Variants in CRY1 observed in about 807,000 individuals in gnomAD.
CRY1 encodes the protein cryptochrome-1.
Under a neutral mutation model 76.0 loss-of-function variants are expected in CRY1, and 45 were observed. That is an observed-to-expected ratio of 0.59 (90% CI 0.47 to 0.76). CRY1 has a LOEUF of 0.76. CRY1 is among the 30% of genes least tolerant of loss of function. The pLI is 0.00. For missense variants in CRY1, 587 were observed against 716.4 expected, an observed-to-expected ratio of 0.82 and a Z score of 2.06; for synonymous variants, 248 against 244.0, an observed-to-expected ratio of 1.02 and a Z score of -0.15.
At chr12:107,012,644 GGCTATA>G (rs1325548709) in intron 2 of CRY1, among the ~76,000 whole-genome samples, 1 of 152,196 alleles carries the variant, frequency 6.6e-6, no homozygotes, top group South Asian at 2.1e-4. Context: ...CATTTTGTAA[GGCTATA>G]GCTGCCACAG....
chr12:107,077,787 AT>A (rs1409026849), intron 1 of CRY1, among the ~76,000 whole-genome samples: 1 of 151,878 alleles, frequency 6.6e-6, no homozygotes, highest in Non-Finnish European at 1.5e-5. Context: ...CTCATAAAAA[AT>A]CCCCCTCACA....
At chr12:106,998,973 C>T (rs758393278) in intron 7 of CRY1, among the ~76,000 whole-genome samples, 16 of 146,420 alleles carry the variant, frequency 1.1e-4, no homozygotes, top group African/African-American at 2.0e-4. Flanking sequence ...ACCTGGAAGG[C>T]GTAGGTTGCA....
chr12:107,014,218 G>A (rs1297308358), intron 2 of CRY1, among the ~76,000 whole-genome samples: 1 of 152,168 alleles, frequency 6.6e-6, no homozygotes, highest in African/African-American at 2.4e-5. Flanking sequence ...GAAACTTCCT[G>A]GTAGGTATGG....
At chr12:107,055,072 T>A (rs1000333536) in intron 1 of CRY1, among the ~76,000 whole-genome samples, 1 of 151,948 alleles carries the variant, frequency 6.6e-6, no homozygotes, top group African/African-American at 2.4e-5. Flanking sequence ...GAATATCCCG[T>A]CTAATAACAA....
chr12:107,058,213 T>C (rs1325118214), intron 1 of CRY1, among the ~76,000 whole-genome samples: 2 of 152,078 alleles, frequency 1.3e-5, no homozygotes, highest in Non-Finnish European at 2.9e-5. Flanking sequence ...AATAATATAA[T>C]ATTAATAAAT....
At chr12:107,039,406 A>G (rs1460971570) in intron 1 of CRY1, among the ~76,000 whole-genome samples, 1 of 152,230 alleles carries the variant, frequency 6.6e-6, no homozygotes, top group African/African-American at 2.4e-5. Flanking sequence ...AATGGAAGAA[A>G]ATATTTGCAA....
At chr12:107,005,311 GAA>G (rs1952360841) in intron 2 of CRY1, 63 bp from the exon 3 acceptor site, 1 of 1,491,692 alleles carries the variant, frequency 6.7e-7, no homozygotes, top group African/African-American at 1.4e-5. Flanking sequence ...CTATTATAAC[GAA>G]AAGTGAAAAA....
intron 1 of CRY1, among the ~76,000 whole-genome samples, chr12:107,078,276 C>T (rs1209736602): frequency 6.6e-6 from 1 of 152,036 alleles, no homozygotes. Flanking sequence ...CTGGAGGGTC[C>T]TCTAAACAAC....
chr12:107,011,232 C>T (rs1396148797), intron 2 of CRY1, among the ~76,000 whole-genome samples: 1 of 152,132 alleles, frequency 6.6e-6, no homozygotes, highest in African/African-American at 2.4e-5. Context: ...TGCCTGTAAT[C>T]CCAGCTACTC....
chr12:107,005,125 T>C lies in CRY1; in HGVS notation c.391A>G (p.Thr131Ala). 5.6e-6 allele frequency: 9 copies of C among 1,613,020 alleles called. No homozygotes were observed. The highest frequency in any genetic ancestry group is 7.6e-6 in the Non-Finnish European group (9 of 1,179,748). Residue 131 changes from threonine to alanine, a missense_variant, in exon 3 of 13, where the codon ACA becomes GCA. By Grantham distance (58) the Thr-to-Ala change is moderately conservative (BLOSUM62 0). Transcript: ENST00000008527. ...GVEVIVRISH[T>A]LYDLDKIIEL... ...ACTCACTTGTCTAGGTCATATAATGTATGTGAAATTCTTACAATGACTTCT... is the reference window on the plus strand; with the variant it reads ...ACTCACTTGTCTAGGTCATATAATGCATGTGAAATTCTTACAATGACTTCT...
chr12:107,011,623 G>A (rs991760183), intron 2 of CRY1, among the ~76,000 whole-genome samples: 2 of 152,186 alleles, frequency 1.3e-5, no homozygotes, highest in African/African-American at 4.8e-5. Flanking sequence ...AACACTCTTC[G>A]ATTCTGTGAA....
In CRY1 at chr12:107,092,954, A is replaced by T. The variant is rs755426599; in HGVS notation, c.8T>A (p.Val3Glu). MG[V>E]NAVHWFRKGL... ...CTTTCGGAACCAGTGCACGGCGTTC[A>T]CCCCCATGCCGGGGGGCGCGGCGGG... Residue 3 changes from valine (V) to glutamate (E), a missense_variant, in exon 1 of 13, where the codon GTG (valine) becomes GAG (glutamate). Transcript: ENST00000008527. The T allele has an allele frequency of 1.3e-6, 2 of 1,553,034 alleles. No homozygotes were observed. Among genetic ancestry groups the T allele is most frequent in the African/African-American group, 1.4e-5 (1 of 72,628 alleles).
At chr12:107,088,716 A>G (rs1953433610) in intron 1 of CRY1, among the ~76,000 whole-genome samples, 1 of 152,260 alleles carries the variant, frequency 6.6e-6, no homozygotes, top group Non-Finnish European at 1.5e-5. Context: ...CAATACTAAC[A>G]TTCACAAATG....
intron 1 of CRY1, among the ~76,000 whole-genome samples, chr12:107,066,518 C>T (rs191697866): frequency 3.9e-5 from 6 of 151,994 alleles, no homozygotes; most frequent in African/African-American, 7.2e-5. Context: ...TGCAGTGGCA[C>T]GATCTCGGCT....
intron 1 of CRY1, among the ~76,000 whole-genome samples, chr12:107,091,763 C>T (rs887553580): frequency 6.6e-6 from 1 of 152,138 alleles, no homozygotes; most frequent in African/African-American, 2.4e-5. Context: ...CTGTTCCTTC[C>T]AAAGGTCAAG....
At chr12:107,061,279 C>CT (rs1361782643) in intron 1 of CRY1, among the ~76,000 whole-genome samples, 1 of 152,042 alleles carries the variant, frequency 6.6e-6, no homozygotes, top group Non-Finnish European at 1.5e-5. Context: ...TGGCTCACTA[C>CT]TATAAGCACT....
rs566794487 is a variant in CRY1, at chr12:106,997,986, A to C, written c.1218T>G (p.Phe406Leu). The change falls in exon 8 of 13, where the codon TTT (phenylalanine) becomes TTG (leucine). Residue 406 changes from phenylalanine (F) to leucine (L), a missense_variant. Physicochemically the swap from Phe to Leu is conservative, Grantham distance 22. Coordinates refer to ENST00000008527, the MANE Select transcript of CRY1 (RefSeq NM_004075.5). ...SWMWLSCSSF[F>L]QQFFHCYCPV... is the part of the protein sequence containing the mutation. The stretch of plus-strand genomic sequence containing the variant: ...GGCAATAGCAGTGAAAAAACTGTTG[A>C]AAAAAGGAACTACAAGACAGCCACA... 8.1e-6 allele frequency: 13 copies of C among 1,614,132 alleles called. No homozygotes were observed. The South Asian group carries it at 1.3e-4, about 16-fold the overall frequency.
intron 1 of CRY1, among the ~76,000 whole-genome samples, chr12:107,067,637 T>A (rs970588215): frequency 1.3e-5 from 2 of 152,112 alleles, no homozygotes; most frequent in African/African-American, 4.8e-5. Flanking sequence ...ATCTGTGACA[T>A]CTGGAAAAGA....
At chr12:107,069,619 ATATATATATAAAGTATATATATAAAAAG>A (rs1953159506) in intron 1 of CRY1, among the ~76,000 whole-genome samples, 2 of 88,210 alleles carry the variant, frequency 2.3e-5, no homozygotes, top group East Asian at 8.5e-4. Context: ...TATAAAAAGT[ATATATATATAAAGTATATATATAAAAAG>A]TATATAAAGT....
Sources: allele counts gnomAD v4.1 joint callset (sites outside exome capture counted in the v4.1 genomes callset), GRCh38; gene constraint gnomAD v4.1.1; transcripts MANE v1.5; gene names NCBI Gene and HGNC (gene_info 2026-07-23, HGNC 2026-07-21).